UBR7: variants seen among roughly 807,000 people sequenced by gnomAD.
The protein encoded by UBR7 is putative E3 ubiquitin-protein ligase UBR7.
Under a neutral mutation model 57.0 loss-of-function variants are expected in UBR7, and 22 were observed. That is an observed-to-expected ratio of 0.39 (90% CI 0.28 to 0.55). The LOEUF is 0.55. Ranked by LOEUF, UBR7 falls within the 20% of genes least tolerant of loss-of-function variation. The pLI, the probability that UBR7 is intolerant of heterozygous loss-of-function variation, is 0.69. For missense variants in UBR7, 395 were observed against 513.2 expected, an observed-to-expected ratio of 0.77 and a Z score of 2.23; for synonymous variants, 167 against 179.8, an observed-to-expected ratio of 0.93 and a Z score of 0.57.
In UBR7 at chr14:93,222,393, T is replaced by C; in HGVS notation, c.1185+19T>C. The C allele has an allele frequency of 1.3e-6, 2 of 1,550,804 alleles. No homozygotes were observed. The highest frequency in any genetic ancestry group is 1.8e-6 in the Non-Finnish European group (2 of 1,122,404). On this transcript the variant is annotated intron_variant, in intron 10 of 10. Coordinates refer to ENST00000013070, the MANE Select transcript of UBR7 (RefSeq NM_175748.4). Reference sequence around the variant, plus strand: ...AGGCACGGTATGTTGAGTTAAAGAATTCTAATCATAGCCCTGTAAGTTTTG... The same window carrying C: ...AGGCACGGTATGTTGAGTTAAAGAACTCTAATCATAGCCCTGTAAGTTTTG...
At chr14:93,212,267 A>G (rs1595265421) in intron 4 of UBR7, 140 bp downstream of exon 4, 1 of 668,128 alleles carries the variant, frequency 1.5e-6, no homozygotes, top group East Asian at 2.8e-5. Flanking sequence ...TTTCTTATGA[A>G]TCTGGGTTGG....
Position 93,227,057 on chromosome 14 carries a change from A to C in UBR7, c.*22A>C. Reference sequence around the variant, plus strand: ...CTAGAGTGGAGTATGAAGCTTTCTCATTCAAGCCAATGAAAATGCGCTTCC... The same window carrying C: ...CTAGAGTGGAGTATGAAGCTTTCTCCTTCAAGCCAATGAAAATGCGCTTCC... On this transcript the variant is annotated 3_prime_UTR_variant, in exon 11 of 11. Transcript: ENST00000013070. 1 of 1,561,934 alleles carries C rather than the reference A, an allele frequency of 6.4e-7. No homozygotes were observed. Among genetic ancestry groups the C allele is most frequent in the Non-Finnish European group, 8.8e-7 (1 of 1,135,254 alleles).
Position 93,227,784 on chromosome 14 carries a change from T to C in UBR7, c.*749T>C. 1.4e-6 allele frequency: 1 copy of C among 700,896 alleles called. No homozygotes were observed. The highest frequency in any genetic ancestry group is 2.6e-6 in the Non-Finnish European group (1 of 384,832). The allele number at this position is 700,896 out of a possible 1,614,324, so 43.4% of individuals were successfully genotyped here. On this transcript the variant is annotated 3_prime_UTR_variant, in exon 11 of 11. Coordinates refer to ENST00000013070, the MANE Select transcript of UBR7 (RefSeq NM_175748.4). ...AATTAGAATTTCAGTACTGTAGTGC[T>C]CACAGGGCTTCCTGGAGAACATTTG...
rs1894387489 is a variant in UBR7, at chr14:93,207,446, G to T, written c.150+5G>T. The T allele has an allele frequency of 6.5e-7, 1 of 1,545,662 alleles. No homozygotes were observed. Among genetic ancestry groups the T allele is most frequent in the African/African-American group, 1.4e-5 (1 of 72,670 alleles). On this transcript the variant is annotated splice_donor_5th_base_variant and intron_variant, in intron 1 of 10. Transcript: ENST00000013070. ...GAGAAGTGCTCCTACTCTCAGGTGGGCGCGCGGCCCGGGCCTCCTCTCCCC... is the reference window on the plus strand; with the variant it reads ...GAGAAGTGCTCCTACTCTCAGGTGGTCGCGCGGCCCGGGCCTCCTCTCCCC...
intron 8 of UBR7, 27 bp from the exon 9 acceptor site, chr14:93,220,222 C>CTTTT (rs528210789): frequency 5.8e-5 from 84 of 1,452,396 alleles, no homozygotes; most frequent in South Asian, 2.9e-4. Context: ...ACTCCTCTTT[C>CTTTT]TTTTTTTTTT....
chr14:93,209,713 A>G, intron 1 of UBR7, 111 bp from the exon 2 acceptor site: 2 of 1,385,026 alleles, frequency 1.4e-6, no homozygotes, highest in African/African-American at 1.4e-5. Context: ...TTTTTACAGA[A>G]AGATCTTGAC....
intron 6 of UBR7, among the ~76,000 whole-genome samples, chr14:93,216,419 C>T (rs1228300776): frequency 6.6e-6 from 1 of 152,134 alleles, no homozygotes; most frequent in Non-Finnish European, 1.5e-5. Context: ...GAGGCATTAA[C>T]TATCTTATTG....
At position 93,227,429 on chromosome 14, in the gene UBR7, C is replaced by G. The variant is rs117470750; in HGVS notation, c.*394C>G. On this transcript the variant is annotated 3_prime_UTR_variant, in exon 11 of 11. Transcript: ENST00000013070. ...TCCAGAACCTCCTCCGCAGGCATCA[C>G]GGAAGGCTCTCTTCCCGTCACCTAG... 1.5e-6 allele frequency: 1 copy of G among 674,222 alleles called. No homozygotes were observed. The highest frequency in any genetic ancestry group is 2.7e-6 in the Non-Finnish European group (1 of 368,802). 41.8% of individuals were successfully genotyped at this position (674,222 alleles called of 1,614,324 possible).
chr14:93,211,510 G>A lies in UBR7; in HGVS notation c.346-522G>A, dbSNP rs555807148. 4.3e-3 allele frequency among the ~76,000 whole-genome samples: 650 copies of A among 151,800 alleles called. 3 individuals are homozygous for A. The highest frequency in any genetic ancestry group is 0.014 in the African/African-American group (568 of 41,354). ...TGCAGTTACCCGAGATTGTGCCACC[G>A]CACTCCAGCCTGGGCGACAGAGCGA... On this transcript the variant is annotated intron_variant, in intron 3 of 10. Coordinates refer to ENST00000013070, the MANE Select transcript of UBR7 (RefSeq NM_175748.4).
intron 7 of UBR7, 103 bp downstream of exon 7, chr14:93,218,838 T>A: frequency 8.0e-7 from 1 of 1,244,340 alleles, no homozygotes; most frequent in Non-Finnish European, 1.1e-6. Flanking sequence ...GCGGATCACC[T>A]GAGGTCACGG....
intron 10 of UBR7, among the ~76,000 whole-genome samples, chr14:93,225,456 G>A (rs983838098): frequency 1.0e-4 from 11 of 108,540 alleles, no homozygotes; most frequent in Non-Finnish European, 1.6e-4. Context: ...ATGAGACCCC[G>A]CCTCTACAAA....
Position 93,228,059 on chromosome 14 carries a change from G to A in UBR7, c.*1024G>A, listed in dbSNP as rs1433914549. On this transcript the variant is annotated 3_prime_UTR_variant, in exon 11 of 11. Transcript: ENST00000013070. ...GACTTAGCTTACTTGAAATAAGCAG[G>A]GCAGGGAGCCCTGTTTTGGAAGAGA... 2.9e-6 allele frequency: 2 copies of A among 693,872 alleles called. No homozygotes were observed. Among genetic ancestry groups the A allele is most frequent in the Admixed American group, 4.0e-5 (2 of 49,774 alleles). 43.0% of individuals were successfully genotyped at this position (693,872 alleles called of 1,614,324 possible).
chr14:93,219,103 C>G, intron 7 of UBR7, 109 bp from the exon 8 acceptor site: 1 of 1,293,790 alleles, frequency 7.7e-7, no homozygotes, highest in African/African-American at 1.5e-5. Flanking sequence ...AAACTTATGG[C>G]TTTGGATTTC....
At position 93,228,303 on chromosome 14, in the gene UBR7, G is replaced by A. The variant is rs1894910406; in HGVS notation, c.*1268G>A. On this transcript the variant is annotated 3_prime_UTR_variant, in exon 11 of 11. Coordinates refer to ENST00000013070, the MANE Select transcript of UBR7 (RefSeq NM_175748.4). ...CCTCAGTCTATGTAGGAAATGCCTT[G>A]TGATACATAGAGAACCCTCAGCTTC... 2.2e-6 allele frequency: 1 copy of A among 456,658 alleles called. No homozygotes were observed. The highest frequency in any genetic ancestry group is 4.4e-6 in the Non-Finnish European group (1 of 228,348). 28.3% of individuals were successfully genotyped at this position (456,658 alleles called of 1,614,324 possible).
At chr14:93,217,230 T>C (rs939072576) in intron 6 of UBR7, among the ~76,000 whole-genome samples, 2 of 152,202 alleles carry the variant, frequency 1.3e-5, no homozygotes, top group Non-Finnish European at 2.9e-5. Context: ...TTTCACCATG[T>C]TGGCCAGGCT....
intron 10 of UBR7, among the ~76,000 whole-genome samples, chr14:93,224,851 G>C (rs1339217162): frequency 2.0e-5 from 3 of 152,226 alleles, no homozygotes; most frequent in Non-Finnish European, 4.4e-5. Context: ...CATTTGAGGT[G>C]TTTCAAATAG....
rs1894873040 is a variant in UBR7 at position 93,227,161 on chromosome 14, C to T, written c.*126C>T. The T allele has an allele frequency of 1.4e-6, 1 of 704,312 alleles. No individual in the cohort carries two copies. Among genetic ancestry groups the T allele is most frequent in the Non-Finnish European group, 2.5e-6 (1 of 401,232 alleles). The allele number at this position is 704,312 out of a possible 1,614,324, so 43.6% of individuals were successfully genotyped here. ...TCTGTTTGGAGAGGCCTCGCGCTCC[C>T]TTCATTCTCTTTAGCTGCAGTAGCC... On this transcript the variant is annotated 3_prime_UTR_variant, in exon 11 of 11. Coordinates refer to ENST00000013070, the MANE Select transcript of UBR7 (RefSeq NM_175748.4).
Position 93,218,543 on chromosome 14 carries a change from T to A in UBR7, c.618T>A (p.Thr206=). The A allele has an allele frequency of 1.2e-6, 2 of 1,614,172 alleles. No individual in the cohort carries two copies. Among genetic ancestry groups the A allele is most frequent in the Non-Finnish European group, 1.7e-6 (2 of 1,180,022 alleles). The stretch of plus-strand genomic sequence containing the variant: ...AACTCACAGTAACCAAAATATCCAC[T>A]GAGGATGATGGATTGGTGCGGAACA... ...AAQLAVTKIS[T]EDDGLVRNID... is the part of the protein sequence containing the mutation. The change falls in exon 7 of 11, where the codon ACT becomes ACA. Residue 206 remains threonine, a synonymous_variant. Coordinates refer to ENST00000013070, the MANE Select transcript of UBR7 (RefSeq NM_175748.4).
chr14:93,209,683 A>G (rs760476178), intron 1 of UBR7, 141 bp from the exon 2 acceptor site: 32 of 1,129,856 alleles, frequency 2.8e-5, no homozygotes, highest in Admixed American at 4.7e-5. Flanking sequence ...TCTGTTGTGT[A>G]AACTTTTTAG....
Sources: allele counts gnomAD v4.1 joint callset (sites outside exome capture counted in the v4.1 genomes callset), GRCh38; gene constraint gnomAD v4.1.1; transcripts MANE v1.5; gene names NCBI Gene and HGNC (gene_info 2026-07-23, HGNC 2026-07-21).